GAN: variants seen among roughly 807,000 people sequenced by gnomAD.
The protein encoded by GAN is epididymis secretory sperm binding protein.
A neutral mutation model predicts 71.3 loss-of-function variants in GAN; 48 were observed. The ratio of observed to expected loss-of-function variants is 0.67; its 90% CI spans 0.53 to 0.86. GAN has a LOEUF of 0.86. Among genes scored for constraint, GAN ranks in the 40% least tolerant of loss-of-function variants. GAN has a pLI of 0.00. For synonymous variants in GAN, 386 were observed against 276.8 expected, an observed-to-expected ratio of 1.39 and a Z score of -3.92; for missense variants, 928 against 770.1, an observed-to-expected ratio of 1.21 and a Z score of -2.43.
In GAN at chr16:81,390,804, A is replaced by T. The variant is rs1904538299; in HGVS notation, c.*13208A>T. ...AACCTAATAAAATAATTTGATGGGG[A>T]AGGCATTCTAATTGTTTCTGATTTT... On this transcript the variant is annotated 3_prime_UTR_variant, in exon 11 of 11. Transcript: ENST00000648994. 1 of 152,240 alleles carries T rather than the reference A, an allele frequency of 6.6e-6. No individual in the cohort carries two copies. Among genetic ancestry groups the T allele is most frequent in the African/African-American group, 2.4e-5 (1 of 41,466 alleles). 9.4% of individuals were successfully genotyped at this position (152,240 alleles called of 1,614,324 possible). A position where few individuals can be genotyped will look rare whatever the true frequency, so the allele number is the denominator to read the frequency against.
chr16:81,373,944 T>C (rs1479629786), intron 9 of GAN, among the ~76,000 whole-genome samples: 3 of 152,238 alleles, frequency 2.0e-5, no homozygotes, highest in Non-Finnish European at 2.9e-5. Context: ...GGTTTCACCA[T>C]GTTGGCCAGG....
intron 1 of GAN, among the ~76,000 whole-genome samples, chr16:81,317,582 T>C (rs1443050912): frequency 6.6e-6 from 1 of 152,260 alleles, no homozygotes; most frequent in African/African-American, 2.4e-5. Flanking sequence ...TCTTTCACTT[T>C]CTAAATAAGA....
chr16:81,322,934 A>T (rs1472404408), intron 1 of GAN, among the ~76,000 whole-genome samples: 1 of 152,210 alleles, frequency 6.6e-6, no homozygotes, highest in African/African-American at 2.4e-5. Flanking sequence ...ACTAGAAATG[A>T]AGCCAGAAGT....
chr16:81,361,869 A>G (rs1005998171), intron 5 of GAN, among the ~76,000 whole-genome samples: 15 of 152,078 alleles, frequency 9.9e-5, no homozygotes, highest in South Asian at 4.1e-4. Flanking sequence ...TAATTTCATT[A>G]TTTTTTGTAG....
At chr16:81,348,734 A>T (rs1239541915) in intron 1 of GAN, among the ~76,000 whole-genome samples, 1 of 152,188 alleles carries the variant, frequency 6.6e-6, no homozygotes, top group East Asian at 1.9e-4. Flanking sequence ...TATAGGTTAG[A>T]CTTGTTGAAC....
intron 1 of GAN, among the ~76,000 whole-genome samples, chr16:81,332,375 C>G (rs1243601299): frequency 2.6e-5 from 4 of 152,122 alleles, no homozygotes; most frequent in Admixed American, 2.0e-4. Context: ...GCTATGTGCC[C>G]TAAGTGCTTT....
At chr16:81,329,624 A>T (rs541120573) in intron 1 of GAN, among the ~76,000 whole-genome samples, 39 of 152,294 alleles carry the variant, frequency 2.6e-4, no homozygotes, top group Middle Eastern at 3.4e-3. Flanking sequence ...TTAAGTGTTT[A>T]TCTTGACCTG....
rs1310137430 is a variant in GAN, at chr16:81,351,651, C to T, written c.236C>T (p.Ser79Leu). The change falls in exon 2 of 11, where the codon TCG becomes TTG. Residue 79 changes from serine to leucine, a missense_variant. Transcript: ENST00000648994. ...STYKIELEGI[S>L]VMVMREILDY... ...TATAAGATTGAACTTGAAGGGATATCGGTAATGGTTATGAGAGAGATCCTG... is the reference window on the plus strand; with the variant it reads ...TATAAGATTGAACTTGAAGGGATATTGGTAATGGTTATGAGAGAGATCCTG... 5.1e-6 allele frequency: 8 copies of T among 1,562,874 alleles called. No homozygotes were observed. The highest frequency in any genetic ancestry group is 1.4e-5 in the African/African-American group (1 of 73,836).
intron 7 of GAN, among the ~76,000 whole-genome samples, chr16:81,364,389 C>T (rs1229773442): frequency 6.6e-6 from 1 of 152,192 alleles, no homozygotes; most frequent in Non-Finnish European, 1.5e-5. Context: ...CCTCAGCCTA[C>T]TGAATAGCTG....
chr16:81,315,629 G>A (rs1218287803), intron 1 of GAN, among the ~76,000 whole-genome samples: 1 of 152,156 alleles, frequency 6.6e-6, no homozygotes, highest in Admixed American at 6.5e-5. Context: ...CGCCGTCCTG[G>A]GCCGGCCGGG....
chr16:81,365,089 T>C lies in GAN; in HGVS notation c.1352T>C (p.Ile451Thr). Residue 451 changes from isoleucine (I) to threonine (T), a missense_variant, in exon 8 of 11, where the codon ATA (isoleucine) becomes ACA (threonine). Physicochemically the swap from Ile to Thr is moderately conservative, Grantham distance 89. Coordinates refer to ENST00000648994, the MANE Select transcript of GAN (RefSeq NM_022041.4). ...CCCAGGACCCAGCAGTGGACTGCCA[T>C]ATGTCCACTAAAAGAGAGGAGGTAC... Reference protein sequence around the residue: ...YDPRTQQWTAICPLKERRFGA... With the variant: ...YDPRTQQWTATCPLKERRFGA... 6.2e-7 allele frequency: 1 copy of C among 1,613,532 alleles called. No individual in the cohort carries two copies.
Position 81,361,069 on chromosome 16 carries a change from A to C in GAN, c.974-1430A>C, listed in dbSNP as rs1194768185. Among the ~76,000 whole-genome samples the C allele has an allele frequency of 2.0e-5, 3 of 152,166 alleles. No homozygotes were observed. The East Asian group carries it at 5.8e-4, about 29-fold the overall frequency. ...GAAACCCCATCTCTACTAAAAGTAC[A>C]AAAAGTAGCTGGGTATGTGGTGGCA... On this transcript the variant is annotated intron_variant, in intron 5 of 10. Transcript: ENST00000648994.
intron 9 of GAN, among the ~76,000 whole-genome samples, chr16:81,369,326 T>G (rs149386768): frequency 6.6e-6 from 1 of 152,134 alleles, no homozygotes; most frequent in East Asian, 1.9e-4. Flanking sequence ...GAAACAATAC[T>G]GCATCCTGGG....
Position 81,384,543 on chromosome 16 carries a change from A to C in GAN, c.*6947A>C, listed in dbSNP as rs965451377. 6.6e-6 allele frequency: 1 copy of C among 152,182 alleles called. No individual in the cohort carries two copies. Among genetic ancestry groups the C allele is most frequent in the African/African-American group, 2.4e-5 (1 of 41,460 alleles). The allele number at this position is 152,182 out of a possible 1,614,324, so 9.4% of individuals were successfully genotyped here. A position where few individuals can be genotyped will look rare whatever the true frequency, so the allele number is the denominator to read the frequency against. ...AATGTGTCTATCTGTCATCTGACCC[A>C]GTATTTGGGATTTGGGTGCTTGAGG... is the stretch of plus-strand genomic sequence containing the variant. On this transcript the variant is annotated 3_prime_UTR_variant, in exon 11 of 11. Coordinates refer to ENST00000648994, the MANE Select transcript of GAN (RefSeq NM_022041.4).
chr16:81,358,777 A>G (rs1910574948), intron 5 of GAN, among the ~76,000 whole-genome samples: 1 of 152,168 alleles, frequency 6.6e-6, no homozygotes, highest in Non-Finnish European at 1.5e-5. Flanking sequence ...TAGAAAAGAT[A>G]GCCATTGAGG....
At chr16:81,359,687 G>A (rs1322769415) in intron 5 of GAN, among the ~76,000 whole-genome samples, 1 of 152,076 alleles carries the variant, frequency 6.6e-6, no homozygotes, top group African/African-American at 2.4e-5. Flanking sequence ...TTATCAATGA[G>A]GGATGCATTC....
chr16:81,345,998 A>G (rs879810248), intron 1 of GAN, among the ~76,000 whole-genome samples: 4 of 152,216 alleles, frequency 2.6e-5, no homozygotes, highest in Admixed American at 6.5e-5. Flanking sequence ...TGCGCAAGCA[A>G]GTACAGCTAG....
intron 1 of GAN, among the ~76,000 whole-genome samples, chr16:81,323,395 C>T (rs1909281219): frequency 6.6e-6 from 1 of 152,126 alleles, no homozygotes; most frequent in Non-Finnish European, 1.5e-5. Context: ...GTTACCATTT[C>T]CTTTATTTAT....
chr16:81,384,303 AAAAAAAAAAAAAAG>A lies in GAN; in HGVS notation c.*6712_*6725del, dbSNP rs1904339495. 7.7e-6 allele frequency: 1 copy of A among 129,816 alleles called. No homozygotes were observed. Among genetic ancestry groups the A allele is most frequent in the African/African-American group, 3.5e-5 (1 of 28,966 alleles). 8.0% of individuals were successfully genotyped at this position (129,816 alleles called of 1,614,324 possible). A position where few individuals can be genotyped will look rare whatever the true frequency, so the allele number is the denominator to read the frequency against. ...GCCTGTTTTCCATTTTACTACTTAAAAAAAAAAAAAAAAGAAAAGAAAAAAAAGCACTTACAACC... is the reference window on the plus strand; with the variant it reads ...GCCTGTTTTCCATTTTACTACTTAAAAAAAGAAAAAAAAGCACTTACAACC... On this transcript the variant is annotated 3_prime_UTR_variant, in exon 11 of 11. Transcript: ENST00000648994.
Sources: gnomAD v4.1 joint callset for allele counts (sites outside exome capture counted in the v4.1 genomes callset) on GRCh38, gnomAD v4.1.1 for gene constraint, MANE v1.5 for transcripts, NCBI Gene and HGNC (gene_info 2026-07-23, HGNC 2026-07-21) for gene names.